The following OPCML variants were observed in gnomAD, a reference collection of about 807,000 sequenced individuals.
The protein encoded by OPCML is opioid binding protein/cell adhesion molecule like, also known as opioid-binding protein/cell adhesion molecule.
A neutral mutation model predicts 37.8 loss-of-function variants in OPCML; 13 were observed. That is an observed-to-expected ratio of 0.34 (90% CI 0.22 to 0.55). The LOEUF (loss-of-function observed/expected upper bound fraction) is 0.55. Ranked by LOEUF, OPCML falls within the 20% of genes least tolerant of loss-of-function variation. The pLI, the probability that OPCML is intolerant of heterozygous loss-of-function variation, is 0.91. For missense variants in OPCML, 341 were observed against 435.6 expected (o/e 0.78, Z 1.93); for synonymous variants, 176 against 168.8 (o/e 1.04, Z -0.33).
At chr11:132,520,433 A>T (rs2096290044) in intron 4 of OPCML, among the ~76,000 whole-genome samples, 2 of 152,202 alleles carry the variant, frequency 1.3e-5, no homozygotes, top group South Asian at 4.1e-4. Flanking sequence ...GAGCTGCTAT[A>T]AACCCACTTG....
intron 4 of OPCML, among the ~76,000 whole-genome samples, chr11:132,443,746 A>T (rs745413608): frequency 6.6e-6 from 1 of 152,248 alleles, no homozygotes; most frequent in African/African-American, 2.4e-5. Context: ...AGGCTGTCTG[A>T]AACCACCTCC....
chr11:132,661,005 T>G (rs1941951762), intron 2 of OPCML, among the ~76,000 whole-genome samples: 1 of 152,140 alleles, frequency 6.6e-6, no homozygotes, highest in Non-Finnish European at 1.5e-5. Context: ...CCACTTCAGG[T>G]TGAGGGTGCA....
intron 1 of OPCML, among the ~76,000 whole-genome samples, chr11:133,531,282 C>T (rs760970974): frequency 1.6e-4 from 24 of 152,172 alleles, no homozygotes; most frequent in Non-Finnish European, 1.5e-5. Context: ...AATTTTGCAA[C>T]GCTTCTGCTA....
intron 2 of OPCML, among the ~76,000 whole-genome samples, chr11:132,803,558 C>T (rs1938813759): frequency 6.6e-6 from 1 of 152,134 alleles, no homozygotes; most frequent in East Asian, 1.9e-4. Flanking sequence ...TGGGAGGGAA[C>T]CAGAGGCCTA....
At chr11:132,790,476 G>A (rs61450228) in intron 2 of OPCML, among the ~76,000 whole-genome samples, 4,149 of 152,300 alleles carry the variant, frequency 0.027, 70 homozygotes, top group African/African-American at 0.042. Context: ...TGAACCATAA[G>A]TGAGAATAAC....
intron 1 of OPCML, among the ~76,000 whole-genome samples, chr11:133,319,221 A>G (rs917189349): frequency 6.6e-6 from 1 of 152,222 alleles, no homozygotes; most frequent in Admixed American, 6.5e-5. Flanking sequence ...TATTCATGAC[A>G]CATCATGTTG....
chr11:132,871,324 A>G (rs973829424), intron 2 of OPCML, among the ~76,000 whole-genome samples: 9 of 152,166 alleles, frequency 5.9e-5, no homozygotes, highest in Non-Finnish European at 1.3e-4. Flanking sequence ...GTATGCTTAT[A>G]TCAAAATATC....
chr11:132,788,662 A>G (rs947495318), intron 2 of OPCML, among the ~76,000 whole-genome samples: 1 of 152,206 alleles, frequency 6.6e-6, no homozygotes, highest in African/African-American at 2.4e-5. Flanking sequence ...TTAACTAAGG[A>G]CTACACAGCT....
chr11:132,703,454 C>T (rs1943910299), intron 2 of OPCML, among the ~76,000 whole-genome samples: 1 of 152,134 alleles, frequency 6.6e-6, no homozygotes, highest in African/African-American at 2.4e-5. Context: ...CACCATGCTT[C>T]CCTGATATTT....
At chr11:133,324,337 G>T (rs1206962786) in intron 1 of OPCML, among the ~76,000 whole-genome samples, 1 of 151,998 alleles carries the variant, frequency 6.6e-6, no homozygotes, top group South Asian at 2.1e-4. Flanking sequence ...GTTTCTGAGA[G>T]AAAGAGAAAA....
intron 2 of OPCML, among the ~76,000 whole-genome samples, chr11:132,712,466 T>C (rs77240596): frequency 0.013 from 2,010 of 152,324 alleles, 43 homozygotes; most frequent in African/African-American, 0.045. Flanking sequence ...GTTGCGATAG[T>C]GTCTGACACC....
intron 1 of OPCML, among the ~76,000 whole-genome samples, chr11:133,106,699 T>C (rs1290136425): frequency 6.6e-6 from 1 of 152,082 alleles, no homozygotes. Flanking sequence ...GACCAGACAA[T>C]AGAGCACATG....
At position 132,461,779 on chromosome 11, in the gene OPCML, G is replaced by A. The variant is rs558875234; in HGVS notation, c.506-24420C>T. ...TTTACAATCATGGCAGAAAGGGAAG[G>A]AAACATGTCCTTCTTCACATGATGG... On this transcript the variant is annotated intron_variant, in intron 4 of 7. Transcript: ENST00000524381. Among the ~76,000 whole-genome samples, 10 of 152,292 alleles carry A rather than the reference G, an allele frequency of 6.6e-5. No homozygotes were observed. In the South Asian group the frequency reaches 2.1e-3, roughly 32 times the overall value.
chr11:132,454,423 C>T (rs1433010315), intron 4 of OPCML, among the ~76,000 whole-genome samples: 1 of 152,220 alleles, frequency 6.6e-6, no homozygotes, highest in Non-Finnish European at 1.5e-5. Flanking sequence ...AGAGCCCACT[C>T]TTCCGAGGTC....
chr11:133,472,228 C>T (rs1947132930), intron 1 of OPCML, among the ~76,000 whole-genome samples: 1 of 152,132 alleles, frequency 6.6e-6, no homozygotes, highest in African/African-American at 2.4e-5. Context: ...AGAAGCCGGG[C>T]CAAGCCTTTG....
intron 3 of OPCML, among the ~76,000 whole-genome samples, chr11:132,578,365 T>C (rs1245114206): frequency 3.3e-5 from 5 of 152,114 alleles, no homozygotes; most frequent in Non-Finnish European, 5.9e-5. Context: ...AAGAAAACAA[T>C]AGCAGTAAAT....
At position 133,531,184 on chromosome 11, in the gene OPCML, C is replaced by T. The variant is rs181513308; in HGVS notation, c.61+1080G>A. On this transcript the variant is annotated intron_variant, in intron 1 of 7. Coordinates refer to ENST00000524381, the MANE Select transcript of OPCML (RefSeq NM_001012393.5). ...CTTGGCAAGCATAACCTAGCCCCTT[C>T]GGCATTGTTTGAAAGATGCCTGCAG... 1.1e-4 allele frequency among the ~76,000 whole-genome samples: 17 copies of T among 152,336 alleles called. No individual in the cohort carries two copies. In the South Asian group the frequency reaches 1.2e-3, roughly 11 times the overall value.
intron 2 of OPCML, among the ~76,000 whole-genome samples, chr11:132,868,276 A>G (rs1303946435): frequency 9.7e-6 from 1 of 102,872 alleles, no homozygotes; most frequent in Non-Finnish European, 2.1e-5. Flanking sequence ...GGTTTCTAAT[A>G]TTTTTCCATT....
At position 132,961,410 on chromosome 11, in the gene OPCML, C is replaced by T. The variant is rs750779202; in HGVS notation, c.62-18400G>A. The stretch of plus-strand genomic sequence containing the variant: ...TAGTGTATAGAGTGTCTGACATGGC[C>T]GTTCTGGTTCCATATTTGATAGATA... On this transcript the variant is annotated intron_variant, in intron 1 of 7. Coordinates refer to ENST00000524381, the MANE Select transcript of OPCML (RefSeq NM_001012393.5). 2.0e-5 allele frequency among the ~76,000 whole-genome samples: 3 copies of T among 152,250 alleles called. No homozygotes were observed. The East Asian group carries it at 5.8e-4, about 29-fold the overall frequency.
Sources: gnomAD v4.1 joint callset for allele counts (sites outside exome capture counted in the v4.1 genomes callset) on GRCh38, gnomAD v4.1.1 for gene constraint, MANE v1.5 for transcripts, NCBI Gene and HGNC (gene_info 2026-07-23, HGNC 2026-07-21) for gene names.